Variants in RAI1 observed in about 807,000 individuals in gnomAD.
RAI1 encodes retinoic acid induced 1.
A neutral mutation model predicts 123.8 loss-of-function variants in RAI1; 9 were observed. The observed-to-expected ratio is 0.07, with a 90% confidence interval of 0.04 to 0.13. RAI1 has a LOEUF of 0.13. RAI1 is among the 10% of genes least tolerant of loss of function. The pLI, the probability that RAI1 is intolerant of heterozygous loss-of-function variation, is 1.00. For missense variants in RAI1, 2,256 were observed against 2,545.8 expected (o/e 0.89, Z 2.45); for synonymous variants, 1,231 against 1,127.3 (o/e 1.09, Z -1.84).
In RAI1 at chr17:17,795,929, G is replaced by A. The variant is rs201996411; in HGVS notation, c.2981G>A (p.Arg994Gln). 4.0e-5 allele frequency: 64 copies of A among 1,609,360 alleles called. No homozygotes were observed. The highest frequency in any genetic ancestry group is 3.7e-4 in the African/African-American group (28 of 74,990). ...APIAKKEPVP[R>Q]GKSLRSRRVH... ...ATCGCAAAGAAAGAGCCTGTGCCAC[G>A]GGGCAAAAGCTTACGGAGCCGTCGG... The change falls in exon 3 of 6, where the codon CGG becomes CAG. Residue 994 changes from arginine to glutamine, a missense_variant. By Grantham distance (43) the Arg-to-Gln change is conservative. Transcript: ENST00000353383. This position sits in a 1 kb window ranked among gnomAD's most constrained non-coding sequence, Gnocchi z 5.9.
In RAI1 at chr17:17,732,323, G is replaced by A. The variant is rs559862191; in HGVS notation, c.-17+8164G>A. ...CTGTCTGATGGCAGAGTCCTGGGCAGGCCACAGGCCTGAAGCAGGAACAGG... is the reference window on the plus strand; with the variant it reads ...CTGTCTGATGGCAGAGTCCTGGGCAAGCCACAGGCCTGAAGCAGGAACAGG... On this transcript the variant is annotated intron_variant, in intron 2 of 5. Transcript: ENST00000353383. 1.9e-4 allele frequency among the ~76,000 whole-genome samples: 29 copies of A among 152,322 alleles called. 1 individual carries two copies. Among genetic ancestry groups the A allele is most frequent in the Non-Finnish European group, 2.4e-4 (16 of 68,028 alleles).
Position 17,793,631 on chromosome 17 carries a change from G to T in RAI1, c.683G>T (p.Gly228Val). Residue 228 changes from glycine to valine, a missense_variant, in exon 3 of 6, where the codon GGT becomes GTT. Physicochemically the swap from Gly to Val is moderately radical, Grantham distance 109. This residue lies in a region of RAI1 where 336 missense variants were observed against 349.8 expected (regional missense o/e 0.96). Transcript: ENST00000353383. ...TCCACCTACTCCTCCTCTGTCCAGG[G>T]TGGTGGGCAGGGGGCCCACTCCTAT... Reference protein sequence around the residue: ...TSSTYSSSVQGGGQGAHSYKS... With the variant: ...TSSTYSSSVQVGGQGAHSYKS... 1 of 1,613,338 alleles carries T rather than the reference G, an allele frequency of 6.2e-7. No homozygotes were observed. Among genetic ancestry groups the T allele is most frequent in the South Asian group, 1.1e-5 (1 of 91,082 alleles).
At chr17:17,776,656 C>T (rs1288667491) in intron 2 of RAI1, 3 of 120,126 alleles carry the variant, frequency 2.5e-5, no homozygotes, top group African/African-American at 1.1e-4. Flanking sequence ...GTGCCTGGCT[C>T]ACTTTTTTTT....
At chr17:17,703,402 G>T (rs1915292805) in intron 1 of RAI1, among the ~76,000 whole-genome samples, 1 of 152,202 alleles carries the variant, frequency 6.6e-6, no homozygotes, top group Non-Finnish European at 1.5e-5. Context: ...TTCTGATCAA[G>T]CCCCTAGGCC....
Position 17,797,014 on chromosome 17 carries a change from C to A in RAI1, c.4066C>A (p.Pro1356Thr). The A allele has an allele frequency of 6.2e-7, 1 of 1,613,898 alleles. No homozygotes were observed. Among genetic ancestry groups the A allele is most frequent in the South Asian group, 1.1e-5 (1 of 91,082 alleles). ...AGCGCCAGGGGCCTCTCCTGGTAAT[C>A]CTCTGAGCCCATCCCTTTCCGACAA... ...CKAPGASPGN[P>T]LSPSLSDKDR... is the part of the protein sequence containing the mutation. Residue 1356 changes from proline to threonine, a missense_variant, in exon 3 of 6, where the codon CCT (proline) becomes ACT (threonine). By Grantham distance (38) the Pro-to-Thr change is conservative. This residue lies in a region of RAI1 where 322 missense variants were observed against 358.0 expected (regional missense o/e 0.90). Transcript: ENST00000353383.
intron 2 of RAI1, among the ~76,000 whole-genome samples, chr17:17,769,900 G>T (rs898941581): frequency 9.2e-5 from 14 of 152,246 alleles, no homozygotes; most frequent in Non-Finnish European, 1.9e-4. Context: ...TTGCCCTCAG[G>T]AGGTGGTTGT....
intron 3 of RAI1, among the ~76,000 whole-genome samples, chr17:17,803,382 T>G (rs576335795): frequency 1.8e-3 from 274 of 149,344 alleles, no homozygotes; most frequent in Middle Eastern, 0.017. Context: ...GTTTTTTGTG[T>G]TTTTTTTGTT....
At chr17:17,762,306 G>A (rs2030736972) in intron 2 of RAI1, among the ~76,000 whole-genome samples, 1 of 152,172 alleles carries the variant, frequency 6.6e-6, no homozygotes, top group Non-Finnish European at 1.5e-5. Context: ...GTCCCAGGCG[G>A]AGGGAACAGC....
intron 4 of RAI1, among the ~76,000 whole-genome samples, chr17:17,808,385 TATTATTTTATTTTATTTTATTTTATTTTA>T (rs2032636599): frequency 8.1e-6 from 1 of 122,738 alleles, no homozygotes; most frequent in African/African-American, 3.7e-5. Flanking sequence ...TATTTTATTT[TATTATTTTATTTTATTTTATTTTATTTTA>T]TTATTTTATT....
chr17:17,719,512 C>G (rs1915811660), intron 1 of RAI1, among the ~76,000 whole-genome samples: 1 of 152,226 alleles, frequency 6.6e-6, no homozygotes, highest in African/African-American at 2.4e-5. Context: ...TGAGCTCTGA[C>G]CACTCAGTGT....
chr17:17,756,919 G>A (rs2030460019), intron 2 of RAI1, among the ~76,000 whole-genome samples: 1 of 152,194 alleles, frequency 6.6e-6, no homozygotes. Flanking sequence ...GTTCATGACT[G>A]TTGCCATTGT....
At chr17:17,791,807 C>T (rs912566403) in intron 2 of RAI1, among the ~76,000 whole-genome samples, 3 of 152,178 alleles carry the variant, frequency 2.0e-5, no homozygotes, top group African/African-American at 7.2e-5. Context: ...GGAACCTTTA[C>T]CCTGGATGCT....
intron 1 of RAI1, among the ~76,000 whole-genome samples, chr17:17,719,227 G>C (rs1915801851): frequency 6.6e-6 from 1 of 152,112 alleles, no homozygotes; most frequent in African/African-American, 2.4e-5. Context: ...CTGCAGAAAT[G>C]CCTCATCTCG....
chr17:17,702,455 C>T (rs1915252284), intron 1 of RAI1, among the ~76,000 whole-genome samples: 2 of 152,204 alleles, frequency 1.3e-5, no homozygotes, highest in Non-Finnish European at 2.9e-5. Context: ...AAGCAGTGAC[C>T]CCATCAGGGC....
At chr17:17,773,325 C>G (rs2031231959) in intron 2 of RAI1, among the ~76,000 whole-genome samples, 1 of 152,150 alleles carries the variant, frequency 6.6e-6, no homozygotes, top group African/African-American at 2.4e-5. Flanking sequence ...GGCAGCACAT[C>G]AGGCGCTCCA....
At chr17:17,760,545 G>A (rs924785413) in intron 2 of RAI1, among the ~76,000 whole-genome samples, 1 of 152,174 alleles carries the variant, frequency 6.6e-6, no homozygotes, top group African/African-American at 2.4e-5. Flanking sequence ...GGCCCCTGAC[G>A]TCCAACGTCC....
rs1381512159 is a variant in RAI1, at chr17:17,798,024, C to T, written c.5076C>T (p.Asn1692=). 2 of 1,614,170 alleles carry T rather than the reference C, an allele frequency of 1.2e-6. No homozygotes were observed. ...GCCTTGTTTGCTGCCTCTGCCAAAA[C>T]CCGGCCAACTTCAAGGACCTTGGGG... The part of the protein sequence containing the change: ...TSCLVCCLCQ[N]PANFKDLGDL... Residue 1692 remains asparagine (N), a synonymous_variant, in exon 3 of 6, where the codon AAC becomes AAT. Transcript: ENST00000353383.
chr17:17,730,135 C>T (rs1050293289), intron 2 of RAI1, among the ~76,000 whole-genome samples: 8 of 152,158 alleles, frequency 5.3e-5, no homozygotes, highest in Non-Finnish European at 7.3e-5. Flanking sequence ...ACCCTGCCTG[C>T]GCTGGGTCAT....
chr17:17,682,180 G>T (rs73292236), intron 1 of RAI1, among the ~76,000 whole-genome samples: 3,927 of 151,724 alleles, frequency 0.026, 180 homozygotes, highest in African/African-American at 0.09. Context: ...TTCGCGGGGC[G>T]CCGGGGGCGG....
Sources: allele counts gnomAD v4.1 joint callset (sites outside exome capture counted in the v4.1 genomes callset), GRCh38; gene constraint gnomAD v4.1.1; regional missense constraint gnomAD v4.1.1; non-coding constraint Gnocchi (gnomAD v3.1); transcripts MANE v1.5; gene names NCBI Gene and HGNC (gene_info 2026-07-23, HGNC 2026-07-21).